The following NRXN3 variants were observed in gnomAD, a reference collection of about 807,000 sequenced individuals.
NRXN3 encodes neurexin III.
In NRXN3, 32 loss-of-function variants were observed where a neutral mutation model predicts 137.6. That is an observed-to-expected ratio of 0.23 (90% CI 0.18 to 0.31). NRXN3 has a LOEUF of 0.31. NRXN3 is among the 10% of genes least tolerant of loss of function. The probability of loss-of-function intolerance (pLI) is 1.00; values close to 1 mark genes in which losing one functional copy is unlikely to be tolerated. For synonymous variants in NRXN3, 798 were observed against 784.5 expected, an observed-to-expected ratio of 1.02 and a Z score of -0.29; for missense variants, 1,574 against 2,062.5, an observed-to-expected ratio of 0.76 and a Z score of 4.59.
At chr14:78,888,269 G>T (rs1281205159) in intron 10 of NRXN3, among the ~76,000 whole-genome samples, 2 of 151,970 alleles carry the variant, frequency 1.3e-5, no homozygotes, top group Admixed American at 1.3e-4. Flanking sequence ...CCCTAAAGGA[G>T]GTTTTCTGGA....
chr14:78,839,204 C>T (rs139420462), intron 10 of NRXN3, among the ~76,000 whole-genome samples: 48 of 152,180 alleles, frequency 3.2e-4, no homozygotes, highest in African/African-American at 1.0e-3. Context: ...TGGAGCATCA[C>T]GAAAGGCTTT....
At chr14:79,029,168 G>A (rs551099192) in intron 15 of NRXN3, among the ~76,000 whole-genome samples, 1 of 152,038 alleles carries the variant, frequency 6.6e-6, no homozygotes, top group East Asian at 1.9e-4. Flanking sequence ...GAAAGAGAGA[G>A]GAAATATGGT....
chr14:79,034,209 T>G (rs1211042536), intron 15 of NRXN3, among the ~76,000 whole-genome samples: 1 of 152,056 alleles, frequency 6.6e-6, no homozygotes, highest in Non-Finnish European at 1.5e-5. Flanking sequence ...TTATGCTCCC[T>G]CATGTTTAAG....
chr14:79,773,398 A>G (rs1262582377), intron 19 of NRXN3, among the ~76,000 whole-genome samples: 1 of 152,134 alleles, frequency 6.6e-6, no homozygotes, highest in African/African-American at 2.4e-5. Context: ...CCAATGATCG[A>G]CCAGATTAAG....
intron 9 of NRXN3, among the ~76,000 whole-genome samples, chr14:78,808,709 G>A (rs2098892375): frequency 6.6e-6 from 1 of 152,114 alleles, no homozygotes; most frequent in Admixed American, 6.5e-5. Context: ...CTCAAGAGAT[G>A]TTCTTCTCGG....
chr14:78,304,758 A>T (rs2077195553), intron 4 of NRXN3, among the ~76,000 whole-genome samples: 1 of 152,180 alleles, frequency 6.6e-6, no homozygotes, highest in Non-Finnish European at 1.5e-5. Context: ...GTGTAAGAGA[A>T]GCAATAGGTC....
At chr14:78,398,519 G>C (rs911026930) in intron 4 of NRXN3, among the ~76,000 whole-genome samples, 1 of 152,090 alleles carries the variant, frequency 6.6e-6, no homozygotes, top group Non-Finnish European at 1.5e-5. Context: ...GACACATGAG[G>C]GTGGGGCTTG....
chr14:79,399,629 C>A (rs1285538667), intron 15 of NRXN3, among the ~76,000 whole-genome samples: 1 of 152,064 alleles, frequency 6.6e-6, no homozygotes, highest in East Asian at 1.9e-4. Context: ...TATAATTATG[C>A]ATTGATTAAT....
chr14:78,217,325 A>G (rs2063393179), intron 1 of NRXN3, among the ~76,000 whole-genome samples: 1 of 152,176 alleles, frequency 6.6e-6, no homozygotes, highest in Non-Finnish European at 1.5e-5. Context: ...ATTATTGTTA[A>G]CCATCTTCTC....
chr14:79,323,865 A>T (rs2090451475), intron 15 of NRXN3, among the ~76,000 whole-genome samples: 1 of 152,236 alleles, frequency 6.6e-6, no homozygotes, highest in Admixed American at 6.5e-5. Context: ...CTCAAAAAAA[A>T]AAAATTATAT....
intron 16 of NRXN3, among the ~76,000 whole-genome samples, chr14:79,525,492 T>G (rs1049530665): frequency 2.0e-5 from 3 of 152,202 alleles, no homozygotes; most frequent in African/African-American, 7.2e-5. Context: ...AACATAGTTT[T>G]CCTTTTAGCT....
intron 15 of NRXN3, among the ~76,000 whole-genome samples, chr14:79,400,179 C>T (rs2095152266): frequency 6.6e-6 from 1 of 152,190 alleles, no homozygotes; most frequent in African/African-American, 2.4e-5. Context: ...CATTGTTCAA[C>T]CCAGCACAAC....
At chr14:78,960,708 A>G (rs949398364) in intron 11 of NRXN3, among the ~76,000 whole-genome samples, 2 of 152,226 alleles carry the variant, frequency 1.3e-5, no homozygotes, top group Non-Finnish European at 2.9e-5. Context: ...TCCTCTGCCT[A>G]GAACTTCTTG....
At chr14:79,278,858 C>A (rs1428875160) in intron 15 of NRXN3, among the ~76,000 whole-genome samples, 2 of 152,202 alleles carry the variant, frequency 1.3e-5, no homozygotes, top group African/African-American at 4.8e-5. Context: ...GAGACACACG[C>A]GCCTGGAGAG....
At chr14:79,537,643 A>G (rs1252431439) in intron 16 of NRXN3, among the ~76,000 whole-genome samples, 1 of 152,294 alleles carries the variant, frequency 6.6e-6, no homozygotes, top group Non-Finnish European at 1.5e-5. Flanking sequence ...ATGGCTGCAT[A>G]GTATTCCATG....
Position 79,237,527 on chromosome 14 carries a change from G to A in NRXN3, c.3263-229694G>A, listed in dbSNP as rs546490046. Among the ~76,000 whole-genome samples, 5 of 152,166 alleles carry A rather than the reference G, an allele frequency of 3.3e-5. No individual in the cohort carries two copies. In the East Asian group the frequency reaches 9.7e-4, roughly 30 times the overall value. On this transcript the variant is annotated intron_variant, in intron 15 of 20. Coordinates refer to ENST00000335750, the MANE Select transcript of NRXN3 (RefSeq NM_001330195.2). ...TGGAGTTTGGCTGCAGGGCTGGGTG[G>A]TCACCTAGTAAGAGGAATGCTTTGG... is the stretch of plus-strand genomic sequence containing the variant.
chr14:78,621,635 T>G (rs949507122), intron 4 of NRXN3, among the ~76,000 whole-genome samples: 1 of 152,296 alleles, frequency 6.6e-6, no homozygotes, highest in Admixed American at 6.5e-5. Flanking sequence ...CATACCAATC[T>G]TTTGCCCAAT....
intron 14 of NRXN3, among the ~76,000 whole-genome samples, chr14:78,974,785 A>C (rs1228242576): frequency 6.6e-6 from 1 of 152,146 alleles, no homozygotes; most frequent in Non-Finnish European, 1.5e-5. Context: ...TATTACTCAC[A>C]AGCTGGCTTT....
rs1026509942 is a variant in NRXN3 at position 78,657,613 on chromosome 14, A to C, written c.1221+6287A>C. 3.9e-5 allele frequency among the ~76,000 whole-genome samples: 6 copies of C among 152,368 alleles called. No individual in the cohort carries two copies. The South Asian group carries it at 1.2e-3, about 32-fold the overall frequency. The stretch of plus-strand genomic sequence containing the variant: ...TTACATTCCACATCCCTTTGTGATT[A>C]TTAGCCATTTAAAACCGAATGGAGT... On this transcript the variant is annotated intron_variant, in intron 6 of 20. Transcript: ENST00000335750.
Sources: gnomAD v4.1 joint callset for allele counts (sites outside exome capture counted in the v4.1 genomes callset) on GRCh38, gnomAD v4.1.1 for gene constraint, MANE v1.5 for transcripts, NCBI Gene and HGNC (gene_info 2026-07-23, HGNC 2026-07-21) for gene names.